The following CUX1 variants were observed in gnomAD, a reference collection of about 807,000 sequenced individuals.
CUX1 encodes the protein protein CASP.
In CUX1, 31 loss-of-function variants were observed where a neutral mutation model predicts 158.8. The observed-to-expected ratio is 0.20, with a 90% CI of 0.15 to 0.26. The LOEUF (loss-of-function observed/expected upper bound fraction) is 0.26, where lower values mean the gene tolerates loss of function less well. Among genes scored for constraint, CUX1 ranks in the 10% least tolerant of loss-of-function variants. CUX1 has a pLI of 1.00. For synonymous variants in CUX1, 879 were observed against 862.1 expected (o/e 1.02, Z -0.34); for missense variants, 1,589 against 2,014.6 (o/e 0.79, Z 4.04).
intron 18 of CUX1, among the ~76,000 whole-genome samples, chr7:102,204,180 G>A (rs889841780): frequency 3.3e-5 from 5 of 152,174 alleles, no homozygotes; most frequent in Admixed American, 6.5e-5. Context: ...TGGCTCACCC[G>A]AAAGTCCCCC....
chr7:101,963,232 T>C (rs903157850), intron 2 of CUX1, among the ~76,000 whole-genome samples: 4 of 152,174 alleles, frequency 2.6e-5, no homozygotes, highest in African/African-American at 9.7e-5. Context: ...GAAAATGTGC[T>C]GTCCTCCCTG....
At chr7:101,980,902 T>C (rs183099947) in intron 2 of CUX1, among the ~76,000 whole-genome samples, 109 of 152,314 alleles carry the variant, frequency 7.2e-4, no homozygotes, top group African/African-American at 2.6e-3. Flanking sequence ...GCCTTTGAGT[T>C]CAATGTCCTG....
chr7:102,269,330 C>T (rs73187871), intron 14 of CUX1, among the ~76,000 whole-genome samples: 3 of 152,132 alleles, frequency 2.0e-5, no homozygotes, highest in Admixed American at 2.0e-4. Flanking sequence ...CTATATAATT[C>T]CACCCCTGCC....
At chr7:102,137,374 A>G (rs1324223306) in intron 8 of CUX1, among the ~76,000 whole-genome samples, 4 of 152,112 alleles carry the variant, frequency 2.6e-5, no homozygotes, top group African/African-American at 9.7e-5. Context: ...GGTGGCTCAC[A>G]CCTGTAATCC....
intron 18 of CUX1, among the ~76,000 whole-genome samples, chr7:102,279,737 C>G (rs1554548683): frequency 6.6e-6 from 1 of 152,188 alleles, no homozygotes; most frequent in Non-Finnish European, 1.5e-5. Flanking sequence ...CCACCCCACA[C>G]TCCCAGCAAA....
intron 9 of CUX1, among the ~76,000 whole-genome samples, chr7:102,165,138 A>C (rs1563335503): frequency 2.0e-5 from 3 of 150,748 alleles, no homozygotes; most frequent in Non-Finnish European, 4.4e-5. Context: ...CGCACATGAG[A>C]CCCCCCAGCC....
chr7:102,155,381 C>CAA (rs562482446), intron 8 of CUX1, among the ~76,000 whole-genome samples: 1,219 of 110,136 alleles, frequency 0.011, 23 homozygotes, highest in African/African-American at 0.036. Context: ...TTGTCTCTAC[C>CAA]AAAAAAAAAA....
intron 4 of CUX1, among the ~76,000 whole-genome samples, chr7:102,093,073 C>T (rs907765040): frequency 1.8e-4 from 27 of 151,698 alleles, no homozygotes; most frequent in Admixed American, 5.2e-4. Flanking sequence ...CCCAGAGCAG[C>T]TAGTTGGTTC....
Position 102,026,649 on chromosome 7 carries a change from G to A in CUX1, c.142-1449G>A, listed in dbSNP as rs143001683. Among the ~76,000 whole-genome samples, 791 of 151,266 alleles carry A rather than the reference G, an allele frequency of 5.2e-3. 8 individuals carry two copies. The highest frequency in any genetic ancestry group is 0.018 in the African/African-American group (759 of 41,240). On this transcript the variant is annotated intron_variant, in intron 2 of 23. Coordinates refer to ENST00000292535, the MANE Select transcript of CUX1 (RefSeq NM_181552.4). ...AGCCTAGCCAACATGGTGAAACCCC[G>A]TCTCTACTAAAAATACAAAAATTAG...
At chr7:102,012,274 G>C (rs528649871) in intron 2 of CUX1, among the ~76,000 whole-genome samples, 1 of 151,920 alleles carries the variant, frequency 6.6e-6, no homozygotes, top group Non-Finnish European at 1.5e-5. Flanking sequence ...TGCAACCTCC[G>C]CCTCCCGGGT....
Position 102,251,169 on chromosome 7 carries a change from G to A in CUX1, c.*2127G>A, listed in dbSNP as rs568096892. 3.1e-6 allele frequency: 3 copies of A among 981,160 alleles called. No homozygotes were observed. The highest frequency in any genetic ancestry group is 3.6e-6 in the Non-Finnish European group (3 of 828,762). The allele number at this position is 981,160 out of a possible 1,614,324, so 60.8% of individuals were successfully genotyped here. Reference sequence around the variant, plus strand: ...TGTATCATTGAAACCTTTGTCTTAGGTCAACATCTTTGGATGACATTTTAA... The same window carrying A: ...TGTATCATTGAAACCTTTGTCTTAGATCAACATCTTTGGATGACATTTTAA... On this transcript the variant is annotated 3_prime_UTR_variant, in exon 24 of 24. Transcript: ENST00000292535.
In CUX1 at chr7:102,201,812, G is replaced by A. The variant is rs782370766; in HGVS notation, c.2515G>A (p.Glu839Lys). The change falls in exon 18 of 24, where the codon GAG (glutamate) becomes AAG (lysine). Residue 839 changes from glutamate (E) to lysine (K), a missense_variant. Glu to Lys is a moderately conservative substitution (Grantham distance 56, BLOSUM62 1). Coordinates refer to ENST00000292535, the MANE Select transcript of CUX1 (RefSeq NM_181552.4). The surrounding 1 kb of genome is among the most constrained non-coding windows in gnomAD (Gnocchi z 5.0). ...GGAGAGAAGAAATGCCGCCTCCTCC[G>A]AGGAGGCCAAGGCCGAAGAAACGGG... ...QPERRNAASS[E>K]EAKAEETGGG... The A allele has an allele frequency of 1.2e-5, 20 of 1,613,040 alleles. No individual in the cohort carries two copies. Among genetic ancestry groups the A allele is most frequent in the South Asian group, 2.2e-5 (2 of 91,078 alleles).
Position 102,201,547 on chromosome 7 carries a change from C to T in CUX1, c.2250C>T (p.Pro750=), listed in dbSNP as rs373805836. 35 of 1,614,084 alleles carry T rather than the reference C, an allele frequency of 2.2e-5. No individual in the cohort carries two copies. The highest frequency in any genetic ancestry group is 3.0e-5 in the Non-Finnish European group (35 of 1,180,044). Residue 750 remains proline (P), a synonymous_variant, in exon 18 of 24, where the codon CCC becomes CCT. Coordinates refer to ENST00000292535, the MANE Select transcript of CUX1 (RefSeq NM_181552.4). This position sits in a 1 kb window ranked among gnomAD's most constrained non-coding sequence, Gnocchi z 5.0. ...ILTPKLLSTS[P]MPTVSSYPPL... ...CCCCCAAGCTTCTGTCCACCTCGCCCATGCCCACCGTGTCCAGCTACCCAC... is the reference window on the plus strand; with the variant it reads ...CCCCCAAGCTTCTGTCCACCTCGCCTATGCCCACCGTGTCCAGCTACCCAC...
At chr7:102,013,809 A>G (rs113903334) in intron 2 of CUX1, among the ~76,000 whole-genome samples, 23 of 152,204 alleles carry the variant, frequency 1.5e-4, no homozygotes, top group African/African-American at 4.8e-4. Flanking sequence ...GGGCTAAGCC[A>G]TCCTTCCACC....
In CUX1 at chr7:102,253,965, C is replaced by A; in HGVS notation, c.*4923C>A. 1.0e-6 allele frequency: 1 copy of A among 985,546 alleles called. No individual in the cohort carries two copies. The highest frequency in any genetic ancestry group is 4.7e-5 in the South Asian group (1 of 21,292). The allele number at this position is 985,546 out of a possible 1,614,324, so 61.1% of individuals were successfully genotyped here. A position where few individuals can be genotyped will look rare whatever the true frequency, so the allele number is the denominator to read the frequency against. On this transcript the variant is annotated 3_prime_UTR_variant, in exon 24 of 24. Transcript: ENST00000292535. ...AACCTGTCTTCTCCATCTGATGTCACCCAGAACCACACCCCACAGAACTGT... is the reference window on the plus strand; with the variant it reads ...AACCTGTCTTCTCCATCTGATGTCAACCAGAACCACACCCCACAGAACTGT...
chr7:102,227,509 G>T lies in CUX1; in HGVS notation c.3273G>T (p.Glu1091Asp). Reference protein sequence around the residue: ...IEASKDSKPPEPSDPPASDSQ... With the variant: ...IEASKDSKPPDPSDPPASDSQ... ...CGAGCAAGGACAGCAAGCCACCAGA[G>T]CCCAGTGACCCGCCAGCATCCGACT... Residue 1091 changes from glutamate to aspartate, a missense_variant, in exon 21 of 24, where the codon GAG (glutamate) becomes GAT (aspartate). Coordinates refer to ENST00000292535, the MANE Select transcript of CUX1 (RefSeq NM_181552.4). 1 of 1,614,058 alleles carries T rather than the reference G, an allele frequency of 6.2e-7. No individual in the cohort carries two copies. The highest frequency in any genetic ancestry group is 8.5e-7 in the Non-Finnish European group (1 of 1,180,024).
In CUX1 at chr7:102,193,856, T is replaced by C. The variant is rs782374350; in HGVS notation, c.1091T>C (p.Met364Thr). The change falls in exon 13 of 24, where the codon ATG becomes ACG. Residue 364 changes from methionine to threonine, a missense_variant. By Grantham distance (81) the Met-to-Thr change is moderately conservative (BLOSUM62 -1). Around this residue, in one of 8 missense-constraint regions of CUX1, gnomAD observed 515 missense variants for 574.4 expected, o/e 0.90. Transcript: ENST00000292535. The stretch of plus-strand genomic sequence containing the variant: ...TGCTCTTGCAGCATTCTGAAGTCCA[T>C]GGAGTTTGCACCGTCCGAGGGCGCT... ...VKKELNILKSMEFAPSEGAGT... is the reference protein window; with the variant it reads ...VKKELNILKSTEFAPSEGAGT... 3 of 1,613,898 alleles carry C rather than the reference T, an allele frequency of 1.9e-6. No individual in the cohort carries two copies. The highest frequency in any genetic ancestry group is 1.7e-5 in the Admixed American group (1 of 59,984).
At chr7:102,200,010 G>A (rs1348686531) in intron 16 of CUX1, 61 bp from the exon 17 acceptor site, 24 of 1,420,796 alleles carry the variant, frequency 1.7e-5, no homozygotes, top group Middle Eastern at 1.8e-4. Flanking sequence ...ACGTCTTCGC[G>A]CAGCGCTGAT....
At chr7:101,991,529 G>T (rs568392734) in intron 2 of CUX1, among the ~76,000 whole-genome samples, 83 of 152,210 alleles carry the variant, frequency 5.5e-4, no homozygotes, top group Non-Finnish European at 9.9e-4. Flanking sequence ...GTGACCGAGG[G>T]GGGTGGATCA....
Sources: allele counts gnomAD v4.1 joint callset (sites outside exome capture counted in the v4.1 genomes callset), GRCh38; gene constraint gnomAD v4.1.1; regional missense constraint gnomAD v4.1.1; non-coding constraint Gnocchi (gnomAD v3.1); transcripts MANE v1.5; gene names NCBI Gene and HGNC (gene_info 2026-07-23, HGNC 2026-07-21).